Variants in ADGRL3 observed in about 807,000 individuals in gnomAD.
ADGRL3 encodes the protein adhesion G protein-coupled receptor L3, also known as calcium-independent alpha-latrotoxin receptor 3.
ADGRL3 carries 62 observed loss-of-function variants against 153.5 expected under a neutral mutation model. The ratio of observed to expected loss-of-function variants is 0.40; its 90% CI spans 0.33 to 0.50. ADGRL3 has a LOEUF of 0.50. ADGRL3 is among the 20% of genes least tolerant of loss of function. ADGRL3 has a pLI of 0.47. For missense variants in ADGRL3, 1,641 were observed against 1,859.4 expected (o/e 0.88, Z 2.16); for synonymous variants, 710 against 672.5 (o/e 1.06, Z -0.86).
rs533385494 is a variant in ADGRL3 at position 61,723,499 on chromosome 4, A to G, written c.584-7123A>G. Among the ~76,000 whole-genome samples the G allele has an allele frequency of 8.5e-5, 13 of 152,246 alleles. No homozygotes were observed. In the East Asian group the frequency reaches 2.5e-3, roughly 29 times the overall value. ...CCTTCCACAGAAAGCAGTCAGTTAT[A>G]CTGGGAGGCTGGAGGAGGCGGTGTC... On this transcript the variant is annotated intron_variant, in intron 6 of 26. Coordinates refer to ENST00000683033, the MANE Select transcript of ADGRL3 (RefSeq NM_001387552.1).
In ADGRL3 at chr4:61,381,264, C is replaced by A. The variant is rs115493447; in HGVS notation, c.-239-1860C>A. On this transcript the variant is annotated intron_variant, in intron 1 of 26. Coordinates refer to ENST00000683033, the MANE Select transcript of ADGRL3 (RefSeq NM_001387552.1). ...GTTTTTGGTCTCAATTTATGTGCAG[C>A]CAATACAGACAGTTTCCAATAAACA... is the stretch of plus-strand genomic sequence containing the variant. Among the ~76,000 whole-genome samples the A allele has an allele frequency of 7.0e-3, 1,042 of 149,816 alleles. 20 individuals carry two copies. Among genetic ancestry groups the A allele is most frequent in the African/African-American group, 0.024 (984 of 40,706 alleles).
intron 1 of ADGRL3, among the ~76,000 whole-genome samples, chr4:61,309,836 TG>T (rs961837708): frequency 6.6e-6 from 1 of 151,950 alleles, no homozygotes; most frequent in African/African-American, 2.4e-5. Context: ...TTTTTACCAG[TG>T]GGGGGTTTTG....
intron 6 of ADGRL3, among the ~76,000 whole-genome samples, chr4:61,726,160 T>C (rs2096332826): frequency 6.7e-6 from 1 of 149,626 alleles, no homozygotes; most frequent in African/African-American, 2.5e-5. Flanking sequence ...GAAAATTTTT[T>C]AGTGCAAACA....
chr4:61,384,652 C>A (rs2096714937), intron 2 of ADGRL3, among the ~76,000 whole-genome samples: 1 of 151,818 alleles, frequency 6.6e-6, no homozygotes, highest in South Asian at 2.1e-4. Flanking sequence ...TAGGCAAAAT[C>A]TTTTTATTTA....
intron 5 of ADGRL3, among the ~76,000 whole-genome samples, chr4:61,664,574 A>C (rs1268507873): frequency 1.3e-5 from 2 of 152,030 alleles, no homozygotes; most frequent in Admixed American, 6.6e-5. Context: ...TTTTTAGGTC[A>C]ATAAAGGAAG....
Position 61,278,852 on chromosome 4 carries a change from T to C in ADGRL3, c.-240+77087T>C, listed in dbSNP as rs17090420. Among the ~76,000 whole-genome samples, 804 of 152,292 alleles carry C rather than the reference T, an allele frequency of 5.3e-3. 7 individuals are homozygous for C. Among genetic ancestry groups the C allele is most frequent in the African/African-American group, 0.019 (776 of 41,570 alleles). On this transcript the variant is annotated intron_variant, in intron 1 of 26. Coordinates refer to ENST00000683033, the MANE Select transcript of ADGRL3 (RefSeq NM_001387552.1). ...AAAGAAGCACTTCAGTAGTAAGAAATGGTTTTGAGCACATATACAAAAAGG... is the reference window on the plus strand; with the variant it reads ...AAAGAAGCACTTCAGTAGTAAGAAACGGTTTTGAGCACATATACAAAAAGG...
At chr4:61,601,889 C>A (rs1488691586) in intron 5 of ADGRL3, among the ~76,000 whole-genome samples, 3 of 152,108 alleles carry the variant, frequency 2.0e-5, no homozygotes, top group Admixed American at 6.6e-5. Context: ...TTTCCATCAT[C>A]CATGTGTCTT....
At chr4:61,541,467 C>T (rs1471339944) in intron 4 of ADGRL3, among the ~76,000 whole-genome samples, 3 of 144,198 alleles carry the variant, frequency 2.1e-5, no homozygotes, top group Non-Finnish European at 1.5e-5. Flanking sequence ...CATTTTATAT[C>T]TTTGAAAGCC....
Position 61,372,930 on chromosome 4 carries a change from G to A in ADGRL3, c.-239-10194G>A, listed in dbSNP as rs548244249. Among the ~76,000 whole-genome samples the A allele has an allele frequency of 4.8e-3, 728 of 152,324 alleles. 10 individuals are homozygous for A. Among genetic ancestry groups the A allele is most frequent in the African/African-American group, 0.017 (700 of 41,574 alleles). ...GCCAGGTGCGGGATATAATCTCGTG[G>A]TGCGCCCTTTTTTAAGCCCGTCGGA... On this transcript the variant is annotated intron_variant, in intron 1 of 26. Coordinates refer to ENST00000683033, the MANE Select transcript of ADGRL3 (RefSeq NM_001387552.1).
At chr4:61,749,976 C>G (rs1286902975) in intron 8 of ADGRL3, among the ~76,000 whole-genome samples, 1 of 151,970 alleles carries the variant, frequency 6.6e-6, no homozygotes, top group Non-Finnish European at 1.5e-5. Flanking sequence ...GGATTTAAGT[C>G]AGAAGATGAA....
At chr4:61,242,656 G>A (rs1179749814) in intron 1 of ADGRL3, among the ~76,000 whole-genome samples, 1 of 151,952 alleles carries the variant, frequency 6.6e-6, no homozygotes, top group East Asian at 1.9e-4. Context: ...ATTAGAATTA[G>A]CAGTGCAGAA....
At chr4:61,220,969 C>A (rs988074504) in intron 1 of ADGRL3, among the ~76,000 whole-genome samples, 3 of 152,140 alleles carry the variant, frequency 2.0e-5, no homozygotes, top group African/African-American at 7.2e-5. Context: ...TTAGGACAGA[C>A]ATAGTCTTTC....
intron 1 of ADGRL3, among the ~76,000 whole-genome samples, chr4:61,368,538 T>C (rs1250484444): frequency 6.6e-6 from 1 of 152,050 alleles, no homozygotes; most frequent in Admixed American, 6.6e-5. Flanking sequence ...CAGATAGTTG[T>C]AGATATGCGG....
chr4:61,679,349 G>A (rs1433262072), intron 6 of ADGRL3, among the ~76,000 whole-genome samples: 1 of 152,022 alleles, frequency 6.6e-6, no homozygotes, highest in African/African-American at 2.4e-5. Flanking sequence ...ATTTCAACAT[G>A]AGATTTGGAG....
At chr4:61,988,872 A>G (rs2099094694) in intron 19 of ADGRL3, among the ~76,000 whole-genome samples, 1 of 152,168 alleles carries the variant, frequency 6.6e-6, no homozygotes, top group South Asian at 2.1e-4. Context: ...AGTCATGAAC[A>G]TTTATAATTG....
chr4:61,579,304 T>C (rs1376448471), intron 4 of ADGRL3, among the ~76,000 whole-genome samples: 2 of 152,110 alleles, frequency 1.3e-5, no homozygotes, highest in Non-Finnish European at 2.9e-5. Context: ...TTCTTGCTTA[T>C]CTTGAAATTA....
intron 13 of ADGRL3, among the ~76,000 whole-genome samples, chr4:61,913,483 T>C (rs1398465819): frequency 6.6e-6 from 1 of 152,168 alleles, no homozygotes; most frequent in Non-Finnish European, 1.5e-5. Flanking sequence ...TTATTCTACA[T>C]GTATACATTT....
At chr4:61,233,610 G>A (rs1317665561) in intron 1 of ADGRL3, among the ~76,000 whole-genome samples, 1 of 151,978 alleles carries the variant, frequency 6.6e-6, no homozygotes, top group Non-Finnish European at 1.5e-5. Context: ...ATACAAACAT[G>A]TTAACAGCAC....
chr4:61,507,800 A>AT (rs1239925167), intron 3 of ADGRL3, among the ~76,000 whole-genome samples: 1 of 152,204 alleles, frequency 6.6e-6, no homozygotes, highest in African/African-American at 2.4e-5. Context: ...GAACTCCCTA[A>AT]CAAAACAGAC....
Sources: gnomAD v4.1 joint callset for allele counts (sites outside exome capture counted in the v4.1 genomes callset) on GRCh38, gnomAD v4.1.1 for gene constraint, MANE v1.5 for transcripts, NCBI Gene and HGNC (gene_info 2026-07-23, HGNC 2026-07-21) for gene names.